Variants in AKT1S1 observed in about 807,000 individuals in gnomAD.
The protein encoded by AKT1S1 is proline-rich AKT1 substrate 1.
A neutral mutation model predicts 21.2 loss-of-function variants in AKT1S1; 17 were observed. That is an observed-to-expected ratio of 0.80 (90% CI 0.55 to 1.20). The LOEUF is 1.20. Among genes scored for constraint, AKT1S1 ranks in the 50% most tolerant of loss-of-function variants. The probability of loss-of-function intolerance (pLI) is 0.00; values close to 1 mark genes in which losing one functional copy is unlikely to be tolerated. For synonymous variants in AKT1S1, 181 were observed against 165.6 expected (o/e 1.09, Z -0.72); for missense variants, 366 against 368.3 (o/e 0.99, Z 0.05).
chr19:49,878,103 T>C, upstream of AKT1S1: 2 of 1,517,762 alleles, frequency 1.3e-6, no homozygotes. Context: ...GCTGGTCCCC[T>C]CGCTTGGGCC....
At position 49,873,523 on chromosome 19, in the gene AKT1S1, C is replaced by T. The variant is rs1349123499; in HGVS notation, c.-7-221G>A. 5.0e-6 allele frequency: 4 copies of T among 801,088 alleles called. No individual in the cohort carries two copies. Among genetic ancestry groups the T allele is most frequent in the Non-Finnish European group, 5.3e-6 (3 of 564,874 alleles). 49.6% of individuals were successfully genotyped at this position (801,088 alleles called of 1,614,324 possible). ...GCGACGTCCTCTGCCCCAACCCATT[C>T]CTCCTGCCCCAAGTCACTGTACTCC... On this transcript the variant is annotated intron_variant, in intron 1 of 4. Transcript: ENST00000344175. This position sits in a 1 kb window ranked among gnomAD's most constrained non-coding sequence, Gnocchi z 6.9.
Position 49,877,219 on chromosome 19 carries a change from G to C in AKT1S1, c.-8+18C>G, listed in dbSNP as rs1349869118. The C allele has an allele frequency of 6.1e-6, 1 of 163,958 alleles. No homozygotes were observed. The highest frequency in any genetic ancestry group is 1.5e-4 in the South Asian group (1 of 6,686). The allele number at this position is 163,958 out of a possible 1,614,324, so 10.2% of individuals were successfully genotyped here. A position where few individuals can be genotyped will look rare whatever the true frequency, so the allele number is the denominator to read the frequency against. On this transcript the variant is annotated intron_variant, in intron 1 of 4. Transcript: ENST00000344175. ...CCTGAGTCCCTCAGTGCCTCTTGTG[G>C]TGTACAGCTCCTCTCACCTCCTCTT...
chr19:49,869,276 C>T lies in AKT1S1; in HGVS notation c.*641G>A, dbSNP rs2074852715. ...CAGGCTGTTGTGGGGATGGATGGAACCAATGAAAGGGGGTGCCAGAGGCAG... is the reference window on the plus strand; with the variant it reads ...CAGGCTGTTGTGGGGATGGATGGAATCAATGAAAGGGGGTGCCAGAGGCAG... On this transcript the variant is annotated 3_prime_UTR_variant, in exon 5 of 5. Transcript: ENST00000344175. The T allele has an allele frequency of 6.5e-6, 1 of 152,690 alleles. No individual in the cohort carries two copies. The highest frequency in any genetic ancestry group is 6.5e-5 in the Admixed American group (1 of 15,292). The allele number at this position is 152,690 out of a possible 1,614,324, so 9.5% of individuals were successfully genotyped here.
At chr19:49,875,665 G>A (rs1268121541) in intron 1 of AKT1S1, among the ~76,000 whole-genome samples, 3 of 152,228 alleles carry the variant, frequency 2.0e-5, no homozygotes, top group East Asian at 1.9e-4. Context: ...GGAAGAGAAC[G>A]TCAGGATGAA....
chr19:49,877,734 C>T (rs866927674), upstream of AKT1S1: 2 of 1,598,000 alleles, frequency 1.3e-6, no homozygotes, highest in South Asian at 1.1e-5. Context: ...ATGGAAGGAG[C>T]CGGCTACAGG....
At chr19:49,872,274 G>A (rs1297588936) in intron 2 of AKT1S1, among the ~76,000 whole-genome samples, 1 of 152,144 alleles carries the variant, frequency 6.6e-6, no homozygotes, top group Non-Finnish European at 1.5e-5. Context: ...TGGCTACTAA[G>A]GGACACCACC....
chr19:49,874,587 A>G (rs1281306803), intron 1 of AKT1S1: 1 of 152,314 alleles, frequency 6.6e-6, no homozygotes, highest in East Asian at 1.9e-4. Context: ...GGCCCTAAGC[A>G]GACAATGCAG....
chr19:49,878,032 C>T (rs2074973504), upstream of AKT1S1: 1 of 917,286 alleles, frequency 1.1e-6, no homozygotes. Context: ...GGGCAATGGC[C>T]CTCCCGGCCC....
At chr19:49,874,348 CTG>C in intron 1 of AKT1S1, 1 of 152,442 alleles carries the variant, frequency 6.6e-6, no homozygotes, top group East Asian at 1.9e-4. Flanking sequence ...GCGCTGCTCT[CTG>C]TGCTGGGAAA....
chr19:49,877,127 A>G (rs2074957926), intron 1 of AKT1S1, 110 bp downstream of exon 1: 1 of 164,642 alleles, frequency 6.1e-6, no homozygotes, highest in Admixed American at 6.4e-5. Flanking sequence ...CTTTCTCGCG[A>G]CGGTGACTCA....
At chr19:49,876,918 A>G (rs1308233566) in intron 1 of AKT1S1, 6 of 407,392 alleles carry the variant, frequency 1.5e-5, no homozygotes, top group Non-Finnish European at 2.6e-5. Context: ...CCTGACCCAC[A>G]ATAAACTTCT....
chr19:49,872,835 T>G (rs2074898752), intron 2 of AKT1S1, 82 bp downstream of exon 2: 12 of 1,472,236 alleles, frequency 8.2e-6, no homozygotes, highest in Admixed American at 2.0e-5. Flanking sequence ...TACTCTGGGC[T>G]AAGCAGGCCC....
chr19:49,870,519 G>A (rs2074872605), intron 4 of AKT1S1, among the ~76,000 whole-genome samples: 1 of 152,196 alleles, frequency 6.6e-6, no homozygotes, highest in Non-Finnish European at 1.5e-5. Context: ...CTCTGTGAGG[G>A]CTGAGATAAT....
At chr19:49,877,643 G>A (rs2074965394), upstream of AKT1S1, 4 of 1,514,636 alleles carry the variant, frequency 2.6e-6, no homozygotes, top group Non-Finnish European at 3.6e-6. Context: ...CCGGCCCGGA[G>A]GGGAACTGTT....
intron 2 of AKT1S1, 146 bp from the exon 3 acceptor site, chr19:49,872,035 A>C: frequency 1.1e-6 from 1 of 893,500 alleles, no homozygotes; most frequent in East Asian, 2.6e-5. Context: ...CTCAAAAACA[A>C]CTTCCTCTAG....
At chr19:49,877,508 G>T (rs1006666704), upstream of AKT1S1, 9 of 552,484 alleles carry the variant, frequency 1.6e-5, no homozygotes, top group Non-Finnish European at 2.6e-5. Flanking sequence ...TCCGTAGCCG[G>T]ATCCACCTTC....
chr19:49,873,405 C>T lies in AKT1S1; in HGVS notation c.-7-103G>A, dbSNP rs1035606195. ...TCCCCTGGATGGCACTCACCACCCT[C>T]CACCCACCTTGTCCCAGCGGTGCTG... On this transcript the variant is annotated intron_variant, in intron 1 of 4. Coordinates refer to ENST00000344175, the MANE Select transcript of AKT1S1 (RefSeq NM_001098633.4). This position sits in a 1 kb window ranked among gnomAD's most constrained non-coding sequence, Gnocchi z 6.9. 3 of 1,364,934 alleles carry T rather than the reference C, an allele frequency of 2.2e-6. No individual in the cohort carries two copies. The highest frequency in any genetic ancestry group is 2.8e-6 in the Non-Finnish European group (3 of 1,065,336). The allele number at this position is 1,364,934 out of a possible 1,614,324, so 84.6% of individuals were successfully genotyped here.
At chr19:49,872,782 G>A (rs2074898277) in intron 2 of AKT1S1, 135 bp downstream of exon 2, 2 of 1,095,072 alleles carry the variant, frequency 1.8e-6, no homozygotes, top group Non-Finnish European at 2.6e-6. Flanking sequence ...CCCCAGGCAA[G>A]CCTGTCTGGC....
intron 4 of AKT1S1, among the ~76,000 whole-genome samples, chr19:49,871,262 C>G (rs1458333919): frequency 6.6e-6 from 1 of 152,218 alleles, no homozygotes; most frequent in African/African-American, 2.4e-5. Flanking sequence ...AGTTTCTCCA[C>G]TGGAGGGCAT....
Sources: gnomAD v4.1 joint callset for allele counts (sites outside exome capture counted in the v4.1 genomes callset) on GRCh38, gnomAD v4.1.1 for gene constraint, Gnocchi (gnomAD v3.1) non-coding constraint, MANE v1.5 for transcripts, NCBI Gene and HGNC (gene_info 2026-07-23, HGNC 2026-07-21) for gene names.